MEMO1: variants seen among roughly 807,000 people sequenced by gnomAD.
The protein encoded by MEMO1 is mediator of cell motility 1, also known as protein MEMO1.
MEMO1 carries 6 observed loss-of-function variants against 45.2 expected under a neutral mutation model. The observed-to-expected ratio is 0.13, with a 90% CI of 0.07 to 0.26. The LOEUF is 0.26. Ranked by LOEUF, MEMO1 falls within the 10% of genes least tolerant of loss-of-function variation. The probability of loss-of-function intolerance (pLI) is 1.00; values close to 1 mark genes in which losing one functional copy is unlikely to be tolerated. For missense variants in MEMO1, 184 were observed against 370.5 expected (o/e 0.50, Z 4.13); for synonymous variants, 78 against 124.3 (o/e 0.63, Z 2.48).
chr2:31,996,165 G>A (rs577749157), intron 2 of MEMO1, among the ~76,000 whole-genome samples: 1 of 151,666 alleles, frequency 6.6e-6, no homozygotes, highest in East Asian at 1.9e-4. Flanking sequence ...GAGGGAGGAA[G>A]GGAGAGAGAG....
chr2:31,947,345 GAAT>G (rs949362077), intron 2 of MEMO1, among the ~76,000 whole-genome samples: 1 of 152,082 alleles, frequency 6.6e-6, no homozygotes, highest in African/African-American at 2.4e-5. Flanking sequence ...ACTTATCTTT[GAAT>G]AAGATAATTA....
At chr2:31,917,618 T>C (rs1393118974) in intron 6 of MEMO1, among the ~76,000 whole-genome samples, 1 of 152,240 alleles carries the variant, frequency 6.6e-6, no homozygotes, top group African/African-American at 2.4e-5. Context: ...ATTATTATTC[T>C]GAGATAAAGA....
chr2:31,916,735 G>A (rs1026749032), intron 6 of MEMO1, among the ~76,000 whole-genome samples: 1 of 152,152 alleles, frequency 6.6e-6, no homozygotes, highest in East Asian at 1.9e-4. Context: ...TTATAATGTA[G>A]TATCACACTG....
intron 2 of MEMO1, among the ~76,000 whole-genome samples, chr2:32,003,654 G>T (rs1673683466): frequency 1.3e-5 from 2 of 152,168 alleles, no homozygotes; most frequent in African/African-American, 4.8e-5. Flanking sequence ...AAAGCTCTTA[G>T]AAAAAAGCAC....
At chr2:32,005,939 C>CACTT (rs1254059499) in intron 2 of MEMO1, among the ~76,000 whole-genome samples, 11 of 152,168 alleles carry the variant, frequency 7.2e-5, no homozygotes, top group Non-Finnish European at 1.5e-4. Context: ...GAGGTGTTAA[C>CACTT]ACTTGAGTCT....
chr2:32,005,700 C>G (rs963505278), intron 2 of MEMO1, among the ~76,000 whole-genome samples: 3 of 152,104 alleles, frequency 2.0e-5, no homozygotes, highest in Non-Finnish European at 2.9e-5. Context: ...ACATTTGTAT[C>G]CCTGTCCATA....
chr2:31,957,523 T>C (rs1008581726), intron 2 of MEMO1, among the ~76,000 whole-genome samples: 1 of 152,230 alleles, frequency 6.6e-6, no homozygotes, highest in Non-Finnish European at 1.5e-5. Context: ...ATTAGATATA[T>C]GTGGGCCAAT....
intron 8 of MEMO1, 57 bp from the exon 9 acceptor site, chr2:31,870,009 T>C (rs1337142166): frequency 2.4e-6 from 3 of 1,259,246 alleles, no homozygotes; most frequent in Non-Finnish European, 3.2e-6. Context: ...ACAATATTTA[T>C]TATTTCCTAA....
chr2:31,923,530 C>T (rs1682643154), intron 4 of MEMO1: 3 of 1,223,428 alleles, frequency 2.5e-6, no homozygotes, highest in Non-Finnish European at 3.2e-6. Flanking sequence ...CTTAATAGCA[C>T]ATAAATAACA....
At chr2:31,914,783 GT>G (rs1681170128) in intron 6 of MEMO1, among the ~76,000 whole-genome samples, 1 of 151,116 alleles carries the variant, frequency 6.6e-6, no homozygotes, top group Non-Finnish European at 1.5e-5. Flanking sequence ...GTAAGCTCCC[GT>G]CTCTTAAAAA....
chr2:32,010,354 G>C, intron 1 of MEMO1, 90 bp from the exon 2 acceptor site: 1 of 549,712 alleles, frequency 1.8e-6, no homozygotes, highest in South Asian at 2.2e-5. Context: ...CCCAGCCCAG[G>C]AGGAGGCGGC....
At chr2:31,878,905 A>G (rs1674954905) in intron 8 of MEMO1, among the ~76,000 whole-genome samples, 2 of 152,240 alleles carry the variant, frequency 1.3e-5, no homozygotes, top group South Asian at 4.1e-4. Context: ...AATAAAATGT[A>G]ACACAAGAAA....
At chr2:31,945,726 C>A (rs1446229197) in intron 2 of MEMO1, among the ~76,000 whole-genome samples, 1 of 152,118 alleles carries the variant, frequency 6.6e-6, no homozygotes, top group African/African-American at 2.4e-5. Context: ...GGACAGGGTG[C>A]CTAACTTTGG....
chr2:31,904,605 C>G (rs1679396707), intron 6 of MEMO1, among the ~76,000 whole-genome samples: 1 of 152,162 alleles, frequency 6.6e-6, no homozygotes, highest in South Asian at 2.1e-4. Context: ...CAACCTAATG[C>G]TGCCACTGAT....
intron 6 of MEMO1, among the ~76,000 whole-genome samples, chr2:31,905,285 GA>G (rs1318897147): frequency 6.6e-6 from 1 of 152,018 alleles, no homozygotes; most frequent in African/African-American, 2.4e-5. Context: ...AAGAACTGGG[GA>G]AAAAAGTAGA....
intron 2 of MEMO1, among the ~76,000 whole-genome samples, chr2:31,977,189 A>G (rs1171344345): frequency 6.6e-6 from 1 of 152,210 alleles, no homozygotes; most frequent in Non-Finnish European, 1.5e-5. Context: ...AATTCAGTTC[A>G]TGAAACAAAA....
intron 6 of MEMO1, among the ~76,000 whole-genome samples, chr2:31,893,908 G>A (rs1677330230): frequency 6.6e-6 from 1 of 152,080 alleles, no homozygotes; most frequent in African/African-American, 2.4e-5. Flanking sequence ...GACTTGAATC[G>A]AGGCTCATTT....
intron 4 of MEMO1, among the ~76,000 whole-genome samples, chr2:31,922,471 T>G (rs550963674): frequency 7.9e-5 from 12 of 152,210 alleles, no homozygotes; most frequent in Admixed American, 6.6e-4. Flanking sequence ...AGAAACAGAT[T>G]ATCCTTTTCT....
rs17011695 is a variant in MEMO1, at chr2:31,922,057, A to G, written c.213-1147T>C. The stretch of plus-strand genomic sequence containing the variant: ...ATATGAACCAACCTTCCCACATCAC[A>G]TACAAAACTTACAGACTCATAAAGC... On this transcript the variant is annotated intron_variant, in intron 4 of 9. Transcript: ENST00000404530. 4.8e-3 allele frequency among the ~76,000 whole-genome samples: 723 copies of G among 152,206 alleles called. 13 individuals carry two copies. Among genetic ancestry groups the G allele is most frequent in the African/African-American group, 0.016 (670 of 41,570 alleles).
Sources: gnomAD v4.1 joint callset for allele counts (sites outside exome capture counted in the v4.1 genomes callset) on GRCh38, gnomAD v4.1.1 for gene constraint, MANE v1.5 for transcripts, NCBI Gene and HGNC (gene_info 2026-07-23, HGNC 2026-07-21) for gene names.